Variants in NBAS observed in about 807,000 individuals in gnomAD.
The protein encoded by NBAS is NBAS subunit of NRZ tethering complex.
Under a neutral mutation model 302.5 loss-of-function variants are expected in NBAS, and 219 were observed. That is an observed-to-expected ratio of 0.72 (90% CI 0.65 to 0.81). The LOEUF is 0.81. NBAS is among the 30% of genes least tolerant of loss of function. The pLI is 0.00. For missense variants in NBAS, 2,932 were observed against 2,841.6 expected (o/e 1.03, Z -0.72); for synonymous variants, 1,118 against 1,021.6 (o/e 1.09, Z -1.80).
intron 28 of NBAS, chr2:15,393,823 T>C (rs1180463286): frequency 1.2e-5 from 5 of 433,396 alleles, no homozygotes; most frequent in Non-Finnish European, 1.9e-5. Flanking sequence ...AAAATAATTA[T>C]ACTGAGTGAA....
intron 40 of NBAS, among the ~76,000 whole-genome samples, chr2:15,301,823 G>A (rs937483660): frequency 1.8e-4 from 27 of 152,160 alleles, no homozygotes; most frequent in Non-Finnish European, 3.1e-4. Context: ...GCAAAGAAAT[G>A]GTAGCAAAAA....
chr2:15,062,397 G>A, the NBAS span, among the ~76,000 whole-genome samples: 3 of 152,198 alleles, frequency 2.0e-5, no homozygotes, highest in Non-Finnish European at 4.4e-5. Context: ...ATTTATACTA[G>A]AGGAAGGATA....
At chr2:15,059,964 C>CAAA in the NBAS span, among the ~76,000 whole-genome samples, 1 of 112,736 alleles carries the variant, frequency 8.9e-6, no homozygotes, top group Non-Finnish European at 2.0e-5. Context: ...AAAAAAAAAA[C>CAAA]AAAAAAAAAA....
the NBAS span, among the ~76,000 whole-genome samples, chr2:14,887,793 C>G: frequency 6.6e-6 from 1 of 152,134 alleles, no homozygotes; most frequent in Non-Finnish European, 1.5e-5. Context: ...TATCAAAAAC[C>G]AAACTTCTTA....
At chr2:15,126,266 C>T in the NBAS span, among the ~76,000 whole-genome samples, 13 of 152,290 alleles carry the variant, frequency 8.5e-5, no homozygotes, top group South Asian at 2.7e-3. Context: ...CTTCCTGAGG[C>T]CCTCACCCAA....
In NBAS at chr2:15,461,710, G is replaced by A; in HGVS notation, c.2179C>T (p.Leu727Phe). 2 of 1,599,606 alleles carry A rather than the reference G, an allele frequency of 1.3e-6. No individual in the cohort carries two copies. The highest frequency in any genetic ancestry group is 2.2e-5 in the East Asian group (1 of 44,644). The change falls in exon 20 of 52, where the codon CTC (leucine) becomes TTC (phenylalanine). Residue 727 changes from leucine to phenylalanine, a missense_variant. Leu to Phe is a conservative substitution (Grantham distance 22). Coordinates refer to ENST00000281513, the MANE Select transcript of NBAS (RefSeq NM_015909.4). Reference sequence around the variant, plus strand: ...ACCTGAGCATAAGTTCTTGCTGAGAGAACAATATTCTGATTTCTGAATTTC... The same window carrying A: ...ACCTGAGCATAAGTTCTTGCTGAGAAAACAATATTCTGATTTCTGAATTTC... ...FKKFRNQNIV[L>F]SARTYAQESN...
the NBAS span, among the ~76,000 whole-genome samples, chr2:15,124,919 T>C: frequency 2.6e-5 from 4 of 152,138 alleles, no homozygotes; most frequent in African/African-American, 7.2e-5. Context: ...GATACTCTAC[T>C]ATGGCAGTGC....
the NBAS span, among the ~76,000 whole-genome samples, chr2:14,910,900 T>C: frequency 6.6e-6 from 1 of 152,290 alleles, no homozygotes; most frequent in Non-Finnish European, 1.5e-5. Flanking sequence ...AATCAGAATA[T>C]CAAAATTCCA....
chr2:15,472,588 A>G (rs1260960797), intron 16 of NBAS, among the ~76,000 whole-genome samples: 1 of 151,942 alleles, frequency 6.6e-6, no homozygotes, highest in Non-Finnish European at 1.5e-5. Context: ...GGCCCCCCCC[A>G]GAAGCAGGCG....
At chr2:15,420,770 C>A (rs757392955) in intron 23 of NBAS, among the ~76,000 whole-genome samples, 13 of 151,890 alleles carry the variant, frequency 8.6e-5, no homozygotes, top group Non-Finnish European at 1.6e-4. Context: ...AATACAAAGC[C>A]AAATCATGTT....
intron 21 of NBAS, among the ~76,000 whole-genome samples, chr2:15,454,298 C>T (rs1031153672): frequency 1.3e-5 from 2 of 151,470 alleles, no homozygotes; most frequent in African/African-American, 4.9e-5. Flanking sequence ...TCTTAATGAA[C>T]AGATATGGAA....
chr2:15,455,700 T>C (rs1253265279), intron 21 of NBAS, among the ~76,000 whole-genome samples: 1 of 151,266 alleles, frequency 6.6e-6, no homozygotes, highest in Non-Finnish European at 1.5e-5. Context: ...GCATATCCAC[T>C]TTACAAGTGA....
At chr2:15,470,865 G>A (rs938225027) in intron 16 of NBAS, among the ~76,000 whole-genome samples, 1 of 152,130 alleles carries the variant, frequency 6.6e-6, no homozygotes, top group Admixed American at 6.5e-5. Context: ...GGAGGCTGAG[G>A]CGGGAGAATC....
chr2:15,023,610 T>C, the NBAS span, among the ~76,000 whole-genome samples: 1 of 99,256 alleles, frequency 1.0e-5, no homozygotes, highest in East Asian at 2.5e-4. Flanking sequence ...TCTCTTTAAA[T>C]CTTGCCAATC....
the NBAS span, among the ~76,000 whole-genome samples, chr2:15,090,713 C>T: frequency 1.3e-5 from 2 of 152,192 alleles, no homozygotes; most frequent in African/African-American, 4.8e-5. Context: ...CATATTTATA[C>T]TGACATTTAC....
the NBAS span, among the ~76,000 whole-genome samples, chr2:15,023,311 T>C: frequency 4.6e-5 from 7 of 152,122 alleles, no homozygotes; most frequent in Non-Finnish European, 8.8e-5. Flanking sequence ...TATTCAATTA[T>C]TGATAGGTAC....
At chr2:15,265,691 C>T (rs1669045432) in intron 44 of NBAS, among the ~76,000 whole-genome samples, 1 of 152,112 alleles carries the variant, frequency 6.6e-6, no homozygotes, top group African/African-American at 2.4e-5. Context: ...GTTCAAATCA[C>T]CACTACTACG....
chr2:15,424,485 G>A lies in NBAS; in HGVS notation c.2424-17C>T, dbSNP rs1677368609. 6.2e-7 allele frequency: 1 copy of A among 1,613,724 alleles called. No individual in the cohort carries two copies. Among genetic ancestry groups the A allele is most frequent in the Non-Finnish European group, 8.5e-7 (1 of 1,179,696 alleles). ...ACAACCATTCTGTGAAGCACAAAAG[G>A]ACCAATTAATAACTGACTAGAATGT... is the stretch of plus-strand genomic sequence containing the variant. On this transcript the variant is annotated splice_polypyrimidine_tract_variant and intron_variant, in intron 22 of 51. Coordinates refer to ENST00000281513, the MANE Select transcript of NBAS (RefSeq NM_015909.4).
intron 51 of NBAS, among the ~76,000 whole-genome samples, chr2:15,171,010 C>T (rs1360987497): frequency 6.6e-6 from 1 of 152,144 alleles, no homozygotes; most frequent in East Asian, 1.9e-4. Context: ...CTCAAGTTGT[C>T]TTTGTTTTTT....
Sources: gnomAD v4.1 joint callset for allele counts (sites outside exome capture counted in the v4.1 genomes callset) on GRCh38, gnomAD v4.1.1 for gene constraint, MANE v1.5 for transcripts, NCBI Gene and HGNC (gene_info 2026-07-23, HGNC 2026-07-21) for gene names.